ADCY5: variants seen among roughly 807,000 people sequenced by gnomAD.
The protein encoded by ADCY5 is adenylate cyclase type 5.
Under a neutral mutation model 119.7 loss-of-function variants are expected in ADCY5, and 30 were observed. That is an observed-to-expected ratio of 0.25 (90% CI 0.19 to 0.34). The LOEUF is 0.34. Among genes scored for constraint, ADCY5 ranks in the 10% least tolerant of loss-of-function variants. The pLI is 1.00. For synonymous variants in ADCY5, 753 were observed against 762.2 expected, an observed-to-expected ratio of 0.99 and a Z score of 0.20; for missense variants, 1,324 against 1,775.2, an observed-to-expected ratio of 0.75 and a Z score of 4.57.
chr3:123,418,506 C>T (rs1945232179), intron 1 of ADCY5, among the ~76,000 whole-genome samples: 1 of 152,168 alleles, frequency 6.6e-6, no homozygotes, highest in Non-Finnish European at 1.5e-5. Flanking sequence ...CACAACATGG[C>T]AAAGATCAAA....
chr3:123,342,655 G>A (rs1442772408), intron 3 of ADCY5, among the ~76,000 whole-genome samples: 1 of 151,064 alleles, frequency 6.6e-6, no homozygotes, highest in Non-Finnish European at 1.5e-5. Context: ...CAGCTTTCTC[G>A]CCCTTCACAC....
intron 1 of ADCY5, among the ~76,000 whole-genome samples, chr3:123,396,719 A>G (rs1238195308): frequency 1.2e-4 from 15 of 122,598 alleles, no homozygotes; most frequent in Non-Finnish European, 1.0e-4. Context: ...AGGGAGAGAG[A>G]AGGGAGGGAG....
At chr3:123,317,897 T>C in intron 11 of ADCY5, 123 bp downstream of exon 11, 1 of 859,992 alleles carries the variant, frequency 1.2e-6, no homozygotes, top group Non-Finnish European at 1.8e-6. Context: ...CAGAAACTTC[T>C]CTCCGTGCCT....
intron 12 of ADCY5, among the ~76,000 whole-genome samples, chr3:123,310,684 G>C (rs557601855): frequency 1.3e-5 from 2 of 152,332 alleles, no homozygotes; most frequent in Admixed American, 6.5e-5. Flanking sequence ...GGTTCGTGCA[G>C]ATGTGCAGAC....
At chr3:123,367,635 T>A (rs1293749102) in intron 1 of ADCY5, among the ~76,000 whole-genome samples, 2 of 151,862 alleles carry the variant, frequency 1.3e-5, no homozygotes, top group Non-Finnish European at 2.9e-5. Context: ...GCCGTGTAGG[T>A]GGAGGGAGGG....
intron 1 of ADCY5, among the ~76,000 whole-genome samples, chr3:123,362,714 C>T (rs1045240852): frequency 6.6e-6 from 1 of 152,182 alleles, no homozygotes; most frequent in African/African-American, 2.4e-5. Context: ...AGGACATAAA[C>T]TCTGCAGGCT....
At position 123,282,778 on chromosome 3, in the gene ADCY5, G is replaced by A. The variant is rs757538537; in HGVS notation, c.*1830C>T. 1 of 152,282 alleles carries A rather than the reference G, an allele frequency of 6.6e-6. No homozygotes were observed. The highest frequency in any genetic ancestry group is 1.5e-5 in the Non-Finnish European group (1 of 68,118). 9.4% of individuals were successfully genotyped at this position (152,282 alleles called of 1,614,324 possible). Reference sequence around the variant, plus strand: ...TTCAGTTGGTGTGCGGGGAGGGGAGGGTGGTGCTAGAGCCCAGTGAGAGGT... The same window carrying A: ...TTCAGTTGGTGTGCGGGGAGGGGAGAGTGGTGCTAGAGCCCAGTGAGAGGT... On this transcript the variant is annotated 3_prime_UTR_variant, in exon 21 of 21. Coordinates refer to ENST00000462833, the MANE Select transcript of ADCY5 (RefSeq NM_183357.3).
At chr3:123,393,692 T>G (rs1202550095) in intron 1 of ADCY5, among the ~76,000 whole-genome samples, 1 of 151,518 alleles carries the variant, frequency 6.6e-6, no homozygotes, top group African/African-American at 2.4e-5. Context: ...TACATGGAGG[T>G]CATCCTTGTT....
At chr3:123,350,959 G>T (rs1410652414) in intron 2 of ADCY5, among the ~76,000 whole-genome samples, 1 of 152,180 alleles carries the variant, frequency 6.6e-6, no homozygotes, top group Non-Finnish European at 1.5e-5. Context: ...CTGGGGGTGA[G>T]TGTGGTGCAG....
At chr3:123,381,370 T>C (rs751120653) in intron 1 of ADCY5, among the ~76,000 whole-genome samples, 25 of 152,228 alleles carry the variant, frequency 1.6e-4, no homozygotes, top group Non-Finnish European at 5.9e-5. Flanking sequence ...GAAATCACTA[T>C]ACCTCTTTCT....
chr3:123,314,420 G>A, intron 11 of ADCY5, 98 bp from the exon 12 acceptor site: 2 of 910,356 alleles, frequency 2.2e-6, no homozygotes, highest in East Asian at 2.6e-5. Context: ...GGTCCCCCGT[G>A]CCCATCCTCA....
chr3:123,351,662 CAG>C (rs988849888), intron 2 of ADCY5, among the ~76,000 whole-genome samples: 2 of 152,198 alleles, frequency 1.3e-5, no homozygotes, highest in African/African-American at 4.8e-5. Context: ...AGCCATGACT[CAG>C]AGTCACCAGA....
chr3:123,438,569 C>T (rs1945665536), intron 1 of ADCY5, among the ~76,000 whole-genome samples: 1 of 152,168 alleles, frequency 6.6e-6, no homozygotes, highest in Non-Finnish European at 1.5e-5. Flanking sequence ...CCAGCAGATC[C>T]ACGCTGTACA....
rs1234659680 is a variant in ADCY5 at position 123,447,523 on chromosome 3, C to G, written c.1023G>C (p.Thr341=). The change falls in exon 1 of 21, where the codon ACG becomes ACC. Residue 341 remains threonine (T), a synonymous_variant. Coordinates refer to ENST00000462833, the MANE Select transcript of ADCY5 (RefSeq NM_183357.3). ...WTVFFIYTIY[T]LLPVRMRAAV... ...CGGCCCGCATGCGCACGGGCAGCAGCGTGTAGATGGTGTAGATGAAGAACA... is the reference window on the plus strand; with the variant it reads ...CGGCCCGCATGCGCACGGGCAGCAGGGTGTAGATGGTGTAGATGAAGAACA... 1.2e-6 allele frequency: 2 copies of G among 1,611,154 alleles called. No individual in the cohort carries two copies. The highest frequency in any genetic ancestry group is 1.7e-6 in the Non-Finnish European group (2 of 1,179,662).
At chr3:123,379,005 ATTTTGTCAGTCC>A (rs1943936734) in intron 1 of ADCY5, among the ~76,000 whole-genome samples, 3 of 151,976 alleles carry the variant, frequency 2.0e-5, no homozygotes, top group Admixed American at 1.3e-4. Flanking sequence ...GAAAAGGCCC[ATTTTGTCAGTCC>A]CCTGTCCTCC....
chr3:123,296,873 A>C, intron 16 of ADCY5: 1 of 858,702 alleles, frequency 1.2e-6, no homozygotes, highest in Non-Finnish European at 1.7e-6. Flanking sequence ...GCCTGCCAAG[A>C]GCTCAACCCC....
In ADCY5 at chr3:123,319,837, G is replaced by C. The variant is rs759887780; in HGVS notation, c.2112-19C>G. 1 of 1,610,784 alleles carries C rather than the reference G, an allele frequency of 6.2e-7. No homozygotes were observed. Among genetic ancestry groups the C allele is most frequent in the African/African-American group, 1.3e-5 (1 of 74,870 alleles). On this transcript the variant is annotated intron_variant, in intron 9 of 20. Coordinates refer to ENST00000462833, the MANE Select transcript of ADCY5 (RefSeq NM_183357.3). ...GGCGTTCCTGGGGAGCAGAAGGCACGGGCGTGAGACAGGCTGACCACAGGG... is the reference window on the plus strand; with the variant it reads ...GGCGTTCCTGGGGAGCAGAAGGCACCGGCGTGAGACAGGCTGACCACAGGG...
At chr3:123,395,129 G>C (rs891764860) in intron 1 of ADCY5, among the ~76,000 whole-genome samples, 3 of 152,166 alleles carry the variant, frequency 2.0e-5, no homozygotes, top group African/African-American at 7.2e-5. Flanking sequence ...CCCACTCAGA[G>C]GGCTGACCCC....
At chr3:123,425,000 T>C (rs1945375587) in intron 1 of ADCY5, among the ~76,000 whole-genome samples, 1 of 152,190 alleles carries the variant, frequency 6.6e-6, no homozygotes, top group African/African-American at 2.4e-5. Context: ...CAGGGTCTGT[T>C]GTGACTTCTG....
Sources: gnomAD v4.1 joint callset for allele counts (sites outside exome capture counted in the v4.1 genomes callset) on GRCh38, gnomAD v4.1.1 for gene constraint, MANE v1.5 for transcripts, NCBI Gene and HGNC (gene_info 2026-07-23, HGNC 2026-07-21) for gene names.